Variants in NTRK3 observed in about 807,000 individuals in gnomAD.
The protein encoded by NTRK3 is NT-3 growth factor receptor.
A neutral mutation model predicts 91.7 loss-of-function variants in NTRK3; 24 were observed. The observed-to-expected ratio is 0.26, with a 90% CI of 0.19 to 0.37. The LOEUF is 0.37. Ranked by LOEUF, NTRK3 falls within the 10% of genes least tolerant of loss-of-function variation. The probability of loss-of-function intolerance (pLI) is 1.00; values close to 1 mark genes in which losing one functional copy is unlikely to be tolerated. For missense variants in NTRK3, 880 were observed against 1,068.9 expected (o/e 0.82, Z 2.46); for synonymous variants, 483 against 404.0 (o/e 1.20, Z -2.34).
At chr15:88,001,361 TTTTTC>T (rs2076087200) in intron 14 of NTRK3, among the ~76,000 whole-genome samples, 1 of 152,122 alleles carries the variant, frequency 6.6e-6, no homozygotes, top group East Asian at 1.9e-4. Context: ...ATATATATAT[TTTTTC>T]TTTTGTTACT....
At chr15:88,222,250 G>C (rs1457580286) in intron 3 of NTRK3, among the ~76,000 whole-genome samples, 1 of 152,206 alleles carries the variant, frequency 6.6e-6, no homozygotes, top group Non-Finnish European at 1.5e-5. Context: ...TGCCAGCTTA[G>C]TTCTGAATCT....
At chr15:88,112,632 G>T (rs1470585815) in intron 13 of NTRK3, among the ~76,000 whole-genome samples, 3 of 152,208 alleles carry the variant, frequency 2.0e-5, no homozygotes. Flanking sequence ...TGGCCATGTG[G>T]AAACTTGCAT....
chr15:87,877,067 G>A (rs2064979805), exon 19 of NTRK3: 2 of 1,614,056 alleles, frequency 1.2e-6, no homozygotes, highest in Non-Finnish European at 8.5e-7. Flanking sequence ...ACACCTCTTT[G>A]GGGCAGACTC....
intron 14 of NTRK3, chr15:87,981,075 T>G: frequency 7.9e-7 from 1 of 1,259,450 alleles, no homozygotes; most frequent in East Asian, 2.6e-5. Context: ...TTTAAGGGAT[T>G]TTTTTAGTAC....
chr15:88,014,079 C>T (rs1350799), intron 14 of NTRK3, among the ~76,000 whole-genome samples: 138,008 of 152,270 alleles, frequency 0.91, 62,788 homozygotes, highest in East Asian at 1. Context: ...ATATCTGAGG[C>T]TCTTAGAATT....
At chr15:87,980,531 A>G (rs751149891) in intron 14 of NTRK3, among the ~76,000 whole-genome samples, 2 of 151,784 alleles carry the variant, frequency 1.3e-5, no homozygotes, top group Non-Finnish European at 2.9e-5. Flanking sequence ...GTGTGTACAC[A>G]TATGTGTGTG....
At chr15:87,928,888 T>C (rs1161566862) in intron 17 of NTRK3, 1 of 567,044 alleles carries the variant, frequency 1.8e-6, no homozygotes, top group Non-Finnish European at 3.2e-6. Flanking sequence ...TATACATGTA[T>C]GAGTATGTTT....
chr15:88,220,909 C>T (rs550228047), intron 3 of NTRK3, among the ~76,000 whole-genome samples: 1 of 152,184 alleles, frequency 6.6e-6, no homozygotes, highest in African/African-American at 2.4e-5. Context: ...TGCCTCTGAA[C>T]CTCCAGGGGA....
intron 6 of NTRK3, among the ~76,000 whole-genome samples, chr15:88,142,688 T>C (rs1407282161): frequency 6.6e-6 from 1 of 152,224 alleles, no homozygotes; most frequent in Admixed American, 6.5e-5. Flanking sequence ...AACAGTCAGA[T>C]GGTAGGAAAA....
At chr15:88,155,759 T>C (rs2043828455) in intron 5 of NTRK3, among the ~76,000 whole-genome samples, 1 of 152,242 alleles carries the variant, frequency 6.6e-6, no homozygotes, top group African/African-American at 2.4e-5. Context: ...AACAATATGT[T>C]ACTTAACCCA....
intron 13 of NTRK3, among the ~76,000 whole-genome samples, chr15:88,098,223 C>T (rs536969666): frequency 3.9e-5 from 6 of 152,242 alleles, no homozygotes; most frequent in South Asian, 2.1e-4. Context: ...CACCCCACCA[C>T]GGAAGTGATA....
At chr15:87,929,405 A>G (rs1362573987) in exon 17 of NTRK3, 1 of 1,614,144 alleles carries the variant, frequency 6.2e-7, no homozygotes, top group Non-Finnish European at 8.5e-7. Context: ...CTGTCCATCC[A>G]CAAGGATCAT....
intron 14 of NTRK3, among the ~76,000 whole-genome samples, chr15:88,004,240 G>C (rs1434222012): frequency 6.6e-6 from 1 of 152,110 alleles, no homozygotes; most frequent in African/African-American, 2.4e-5. Flanking sequence ...ATCTCCAAGA[G>C]GGACTATGCC....
In NTRK3 at chr15:88,255,965, C is replaced by G. The variant is rs1287288406; in HGVS notation, c.189G>C (p.Gly63=). The G allele has an allele frequency of 6.2e-7, 1 of 1,613,452 alleles. No individual in the cohort carries two copies. Among genetic ancestry groups the G allele is most frequent in the Non-Finnish European group, 8.5e-7 (1 of 1,179,714 alleles). ...TGATACTGGCGTTCCCATTGCTGTT[C>G]CCTGAATCCTGCCCTTCCAGGAGGG... The change falls in exon 3 of 19, where the codon GGG becomes GGC. Residue 63 remains glycine (G), a synonymous_variant. Transcript: ENST00000394480. This position sits in a 1 kb window ranked among gnomAD's most constrained non-coding sequence, Gnocchi z 4.3.
At chr15:88,079,108 G>A (rs1567351756) in intron 13 of NTRK3, among the ~76,000 whole-genome samples, 1 of 152,182 alleles carries the variant, frequency 6.6e-6, no homozygotes, top group Non-Finnish European at 1.5e-5. Flanking sequence ...TGGCGTTTGC[G>A]GGCAGCCTTC....
Position 88,255,856 on chromosome 15 carries a change from G to T in NTRK3, c.248+50C>A. On this transcript the variant is annotated intron_variant, in intron 3 of 18. Transcript: ENST00000394480. The surrounding 1 kb of genome is among the most constrained non-coding windows in gnomAD (Gnocchi z 4.3). ...CTCCCGGCCGCGGGTGGGCAGGAGGGAGACGCAGAGCGCGGGGGAGGCAGG... is the reference window on the plus strand; with the variant it reads ...CTCCCGGCCGCGGGTGGGCAGGAGGTAGACGCAGAGCGCGGGGGAGGCAGG... 1 of 1,553,818 alleles carries T rather than the reference G, an allele frequency of 6.4e-7. No individual in the cohort carries two copies. The highest frequency in any genetic ancestry group is 8.8e-7 in the Non-Finnish European group (1 of 1,142,796).
intron 17 of NTRK3, among the ~76,000 whole-genome samples, chr15:87,889,513 T>G (rs2065741211): frequency 6.8e-6 from 1 of 147,220 alleles, no homozygotes; most frequent in African/African-American, 2.5e-5. Flanking sequence ...CAAGCAATTC[T>G]CCTCCTTCTG....
intron 13 of NTRK3, 70 bp downstream of exon 13, chr15:88,126,201 C>T: frequency 8.5e-7 from 1 of 1,174,656 alleles, no homozygotes; most frequent in Non-Finnish European, 1.3e-6. Context: ...GAGATTAAAA[C>T]AGTATCTTTT....
chr15:88,014,325 A>G (rs113840631), intron 14 of NTRK3, among the ~76,000 whole-genome samples: 178 of 152,324 alleles, frequency 1.2e-3, no homozygotes, highest in African/African-American at 4.1e-3. Context: ...GACAACAGCC[A>G]TTGGTCCTAG....
Sources: allele counts gnomAD v4.1 joint callset (sites outside exome capture counted in the v4.1 genomes callset), GRCh38; gene constraint gnomAD v4.1.1; non-coding constraint Gnocchi (gnomAD v3.1); transcripts MANE v1.5; gene names NCBI Gene and HGNC (gene_info 2026-07-23, HGNC 2026-07-21).